Variants in CLVS1 observed in about 807,000 individuals in gnomAD.
CLVS1 encodes clavesin-1.
CLVS1 carries 10 observed loss-of-function variants against 33.1 expected under a neutral mutation model. The ratio of observed to expected loss-of-function variants is 0.30; its 90% confidence interval spans 0.19 to 0.51. The LOEUF is 0.51. Among genes scored for constraint, CLVS1 ranks in the 20% least tolerant of loss-of-function variants. The pLI is 0.97. For missense variants in CLVS1, 343 were observed against 433.4 expected (o/e 0.79, Z 1.85); for synonymous variants, 163 against 166.1 (o/e 0.98, Z 0.14).
chr8:61,304,175 G>C (rs1736799601), intron 2 of CLVS1, among the ~76,000 whole-genome samples: 1 of 152,214 alleles, frequency 6.6e-6, no homozygotes, highest in Non-Finnish European at 1.5e-5. Context: ...TCATGTGAAG[G>C]GTTTACTAAG....
intron 2 of CLVS1, among the ~76,000 whole-genome samples, chr8:61,316,822 T>C (rs1355173007): frequency 6.6e-6 from 1 of 152,134 alleles, no homozygotes; most frequent in Non-Finnish European, 1.5e-5. Flanking sequence ...CTCCATCACT[T>C]TCCCATTGCT....
intron 5 of CLVS1, among the ~76,000 whole-genome samples, chr8:61,496,377 G>T (rs1223250576): frequency 6.6e-6 from 1 of 152,142 alleles, no homozygotes; most frequent in Non-Finnish European, 1.5e-5. Context: ...CTCTGGTTGT[G>T]CTCTCTTGGT....
intron 2 of CLVS1, among the ~76,000 whole-genome samples, chr8:61,320,961 C>T (rs1811174180): frequency 1.3e-5 from 2 of 152,060 alleles, no homozygotes; most frequent in African/African-American, 4.8e-5. Context: ...TTTCTATTAA[C>T]TTAAAAATAA....
intron 2 of CLVS1, among the ~76,000 whole-genome samples, chr8:61,312,515 C>A (rs1247576137): frequency 6.6e-6 from 1 of 152,122 alleles, no homozygotes; most frequent in African/African-American, 2.4e-5. Context: ...TGTTTCTCAC[C>A]ATTTTTCTCT....
chr8:61,068,856 G>T (rs1804734965), intron 1 of CLVS1, among the ~76,000 whole-genome samples: 1 of 152,120 alleles, frequency 6.6e-6, no homozygotes, highest in Non-Finnish European at 1.5e-5. Context: ...TCCTACCGAT[G>T]CCCCCTCTGC....
chr8:61,268,153 C>A (rs1809351241), intron 2 of CLVS1, among the ~76,000 whole-genome samples: 1 of 149,634 alleles, frequency 6.7e-6, no homozygotes, highest in Non-Finnish European at 1.5e-5. Context: ...TCTCCCAGTG[C>A]TATCCCACCC....
At chr8:61,431,606 G>A (rs1816117648) in intron 3 of CLVS1, among the ~76,000 whole-genome samples, 1 of 152,016 alleles carries the variant, frequency 6.6e-6, no homozygotes, top group Non-Finnish European at 1.5e-5. Context: ...AGCGTGTTCT[G>A]GCATTTTCTT....
chr8:60,988,407 C>A, the CLVS1 span, among the ~76,000 whole-genome samples: 2 of 152,118 alleles, frequency 1.3e-5, no homozygotes, highest in Non-Finnish European at 2.9e-5. Context: ...CTGTAAGAAT[C>A]AAGCTGCTCC....
intron 1 of CLVS1, among the ~76,000 whole-genome samples, chr8:61,094,868 G>C (rs1180870529): frequency 6.6e-6 from 1 of 152,212 alleles, no homozygotes; most frequent in Non-Finnish European, 1.5e-5. Flanking sequence ...CCGATCAGTG[G>C]TGCTTGGTCT....
At chr8:61,337,337 C>T (rs1356212803) in intron 2 of CLVS1, among the ~76,000 whole-genome samples, 1 of 152,138 alleles carries the variant, frequency 6.6e-6, no homozygotes, top group Non-Finnish European at 1.5e-5. Context: ...CCCTCTTAGC[C>T]TCCGGTTTCT....
the CLVS1 span, among the ~76,000 whole-genome samples, chr8:61,034,415 T>A: frequency 3.3e-5 from 5 of 152,160 alleles, no homozygotes; most frequent in African/African-American, 1.2e-4. Context: ...GTTTTAACTA[T>A]TTTGAAATAT....
chr8:61,295,576 G>A (rs540673865), intron 1 of CLVS1, among the ~76,000 whole-genome samples: 2 of 152,240 alleles, frequency 1.3e-5, no homozygotes, highest in Admixed American at 1.3e-4. Context: ...AGTTTGAAAG[G>A]AATTTTAGGG....
intron 4 of CLVS1, 88 bp downstream of exon 4, chr8:61,454,339 TTTTCTCTC>T: frequency 1.1e-6 from 1 of 940,418 alleles, no homozygotes; most frequent in South Asian, 1.3e-5. Context: ...TTTCCCCCCT[TTTTCTCTC>T]TTTCTCTCTT....
chr8:61,291,273 G>A (rs577554114), intron 1 of CLVS1, among the ~76,000 whole-genome samples: 2 of 152,232 alleles, frequency 1.3e-5, no homozygotes, highest in Admixed American at 1.3e-4. Flanking sequence ...AATTTCCTGT[G>A]AGCTTTTGTG....
chr8:61,429,740 T>C (rs950871237), intron 3 of CLVS1, among the ~76,000 whole-genome samples: 1 of 152,202 alleles, frequency 6.6e-6, no homozygotes, highest in Non-Finnish European at 1.5e-5. Flanking sequence ...AATAGCTTAA[T>C]TGTATAATTT....
At chr8:60,995,493 A>G in the CLVS1 span, among the ~76,000 whole-genome samples, 25,640 of 152,158 alleles carry the variant, frequency 0.17, 2,369 homozygotes, top group African/African-American at 0.25. Context: ...AATGGTGATC[A>G]TTAAAAAGTC....
At chr8:61,059,743 G>A (rs531372749) in intron 1 of CLVS1, among the ~76,000 whole-genome samples, 10 of 149,106 alleles carry the variant, frequency 6.7e-5, no homozygotes, top group African/African-American at 1.5e-4. Flanking sequence ...CCTGGGAGGC[G>A]GAGGTTGCAG....
intron 2 of CLVS1, among the ~76,000 whole-genome samples, chr8:61,170,293 T>C (rs1429798974): frequency 6.6e-6 from 1 of 152,126 alleles, no homozygotes; most frequent in Non-Finnish European, 1.5e-5. Flanking sequence ...TCAGCTTGTG[T>C]CTATCTGTCT....
At chr8:61,061,801 C>T (rs1804587878) in intron 1 of CLVS1, among the ~76,000 whole-genome samples, 1 of 151,452 alleles carries the variant, frequency 6.6e-6, no homozygotes, top group Non-Finnish European at 1.5e-5. Flanking sequence ...CTGGCTTAGT[C>T]AAAAAAGGAA....
Sources: allele counts gnomAD v4.1 joint callset (sites outside exome capture counted in the v4.1 genomes callset), GRCh38; gene constraint gnomAD v4.1.1; transcripts MANE v1.5; gene names NCBI Gene and HGNC (gene_info 2026-07-23, HGNC 2026-07-21).